GPR15LG: variants seen among roughly 807,000 people sequenced by gnomAD.
GPR15LG encodes the protein G protein-coupled receptor 15 ligand, also known as protein GPR15LG.
At chr10:84,174,446 A>G in the GPR15LG span, among the ~76,000 whole-genome samples, 1 of 144,628 alleles carries the variant, frequency 6.9e-6, no homozygotes, top group Admixed American at 6.9e-5. Context: ...CCATCTTTTT[A>G]CCTCTATAGA....
the GPR15LG span, among the ~76,000 whole-genome samples, chr10:84,177,908 G>A: frequency 2.0e-5 from 3 of 152,164 alleles, no homozygotes; most frequent in African/African-American, 7.2e-5. Flanking sequence ...GCAGGAAGTT[G>A]AGGGGGTGTG....
the GPR15LG span, chr10:84,173,990 T>G: frequency 8.0e-7 from 1 of 1,249,812 alleles, no homozygotes; most frequent in African/African-American, 1.5e-5. Flanking sequence ...TGATCAGGAT[T>G]TGTTGGAGGG....
chr10:84,185,097 G>A, the GPR15LG span: 2 of 1,161,346 alleles, frequency 1.7e-6, no homozygotes, highest in South Asian at 4.0e-5. Context: ...TAGAGTGCAG[G>A]GTGGCAAGCA....
the GPR15LG span, among the ~76,000 whole-genome samples, chr10:84,177,932 C>G: frequency 6.6e-6 from 1 of 152,206 alleles, no homozygotes; most frequent in African/African-American, 2.4e-5. Context: ...GCCCCCACCA[C>G]AGACACACAC....
the GPR15LG span, chr10:84,174,047 A>G: frequency 2.7e-6 from 2 of 741,254 alleles, no homozygotes; most frequent in South Asian, 1.5e-5. Flanking sequence ...AGCCCCGGAA[A>G]GATGGGCTCT....
chr10:84,177,915 T>C, the GPR15LG span, among the ~76,000 whole-genome samples: 1 of 151,330 alleles, frequency 6.6e-6, no homozygotes, highest in Admixed American at 6.6e-5. Context: ...GTTGAGGGGG[T>C]GTGTGAGCCC....
At chr10:84,181,707 G>C in the GPR15LG span, among the ~76,000 whole-genome samples, 1 of 152,210 alleles carries the variant, frequency 6.6e-6, no homozygotes, top group Non-Finnish European at 1.5e-5. Context: ...GGGATTACAG[G>C]CGTGAGCCAC....
At chr10:84,180,407 C>T in the GPR15LG span, among the ~76,000 whole-genome samples, 13 of 152,080 alleles carry the variant, frequency 8.5e-5, no homozygotes, top group Non-Finnish European at 1.9e-4. Flanking sequence ...ACCTCCCAGA[C>T]GGGGTGGCGG....
At chr10:84,175,267 C>T in the GPR15LG span, among the ~76,000 whole-genome samples, 3 of 152,116 alleles carry the variant, frequency 2.0e-5, no homozygotes, top group South Asian at 2.1e-4. Context: ...AAACACAGCC[C>T]GTGACATGCA....
chr10:84,178,238 T>C, the GPR15LG span, among the ~76,000 whole-genome samples: 27 of 149,732 alleles, frequency 1.8e-4, no homozygotes, highest in Non-Finnish European at 3.7e-4. Context: ...GCACTATACA[T>C]ACAAACACAC....
chr10:84,181,993 C>A, the GPR15LG span, among the ~76,000 whole-genome samples: 1 of 152,210 alleles, frequency 6.6e-6, no homozygotes, highest in East Asian at 1.9e-4. Flanking sequence ...TGCCCAGGTC[C>A]TGAGAGCTCC....
chr10:84,173,930 G>T, the GPR15LG span: 1 of 1,603,500 alleles, frequency 6.2e-7, no homozygotes, highest in Non-Finnish European at 8.5e-7. Flanking sequence ...AGGTAGGGCA[G>T]CCCCCAGGGT....
the GPR15LG span, among the ~76,000 whole-genome samples, chr10:84,181,781 T>C: frequency 0.014 from 2,101 of 152,284 alleles, 41 homozygotes; most frequent in African/African-American, 0.047. Flanking sequence ...TCTTTACGGG[T>C]GTCAAGCACT....
the GPR15LG span, among the ~76,000 whole-genome samples, chr10:84,177,025 TG>T: frequency 6.6e-6 from 1 of 152,146 alleles, no homozygotes; most frequent in Non-Finnish European, 1.5e-5. Flanking sequence ...CTGTGAACCC[TG>T]TGGACCTGGG....
chr10:84,175,752 C>T, the GPR15LG span, among the ~76,000 whole-genome samples: 2 of 152,242 alleles, frequency 1.3e-5, no homozygotes, highest in Non-Finnish European at 2.9e-5. Flanking sequence ...GCCATCCTCC[C>T]ACCTTGGCCT....
the GPR15LG span, among the ~76,000 whole-genome samples, chr10:84,178,873 T>TG: frequency 1.3e-5 from 2 of 152,212 alleles, no homozygotes; most frequent in Admixed American, 1.3e-4. Context: ...ACATATGTAT[T>TG]GGGTCCTTGC....
chr10:84,180,187 A>G, the GPR15LG span, among the ~76,000 whole-genome samples: 1 of 152,272 alleles, frequency 6.6e-6, no homozygotes, highest in Non-Finnish European at 1.5e-5. Flanking sequence ...CAGAGAGCAC[A>G]GGGTTGGGGG....
At chr10:84,180,606 G>A in the GPR15LG span, among the ~76,000 whole-genome samples, 1 of 152,102 alleles carries the variant, frequency 6.6e-6, no homozygotes, top group Non-Finnish European at 1.5e-5. Context: ...TCCCAGACTG[G>A]GCAGCCGGGC....
At chr10:84,174,878 A>G in the GPR15LG span, among the ~76,000 whole-genome samples, 1 of 152,014 alleles carries the variant, frequency 6.6e-6, no homozygotes, top group Non-Finnish European at 1.5e-5. Flanking sequence ...TTTTTGTTTT[A>G]GTGGTTATGG....
Sources: allele counts gnomAD v4.1 joint callset (sites outside exome capture counted in the v4.1 genomes callset), GRCh38; gene constraint gnomAD v4.1.1; transcripts MANE v1.5; gene names NCBI Gene and HGNC (gene_info 2026-07-23, HGNC 2026-07-21).